DIO2: variants seen among roughly 807,000 people sequenced by gnomAD.
DIO2 encodes the protein iodothyronine deiodinase 2.
In DIO2, 19 loss-of-function variants were observed where a neutral mutation model predicts 21.4. That is an observed-to-expected ratio of 0.89 (90% CI 0.62 to 1.30). The LOEUF (loss-of-function observed/expected upper bound fraction) is 1.30. Ranked by LOEUF, DIO2 falls within the 50% of genes most tolerant of loss-of-function variation. The pLI is 0.00. For missense variants in DIO2, 302 were observed against 338.1 expected, an observed-to-expected ratio of 0.89 and a Z score of 0.84; for synonymous variants, 122 against 132.9, an observed-to-expected ratio of 0.92 and a Z score of 0.57.
intron 2 of DIO2, among the ~76,000 whole-genome samples, chr14:80,221,030 T>C (rs1888454074): frequency 6.6e-6 from 1 of 152,214 alleles, no homozygotes; most frequent in South Asian, 2.1e-4. Flanking sequence ...AAAAACTTTT[T>C]ATCATGGAAA....
At chr14:80,225,669 G>GT (rs200473356) in intron 2 of DIO2, among the ~76,000 whole-genome samples, 602 of 152,082 alleles carry the variant, frequency 4.0e-3, no homozygotes, top group Non-Finnish European at 6.1e-3. Flanking sequence ...CAGGTCGTGG[G>GT]TTTTTTTTCC....
chr14:80,221,370 GT>G (rs2140018604), intron 2 of DIO2, among the ~76,000 whole-genome samples: 1 of 152,270 alleles, frequency 6.6e-6, no homozygotes, highest in Admixed American at 6.5e-5. Context: ...AGAAACCAAT[GT>G]TTTGTCTGAG....
upstream of DIO2, among the ~76,000 whole-genome samples, chr14:80,213,193 G>C (rs938676612): frequency 2.7e-4 from 41 of 152,188 alleles, no homozygotes; most frequent in African/African-American, 8.9e-4. Flanking sequence ...TATTTAGGCA[G>C]ACAATGCTTT....
At chr14:80,208,256 T>C (rs980716358) in intron 1 of DIO2, among the ~76,000 whole-genome samples, 2 of 152,174 alleles carry the variant, frequency 1.3e-5, no homozygotes, top group African/African-American at 4.8e-5. Flanking sequence ...CCAGTGTCTA[T>C]AGACTTTCCT....
intron 2 of DIO2, among the ~76,000 whole-genome samples, chr14:80,224,061 G>A (rs1286360664): frequency 6.6e-6 from 1 of 152,136 alleles, no homozygotes; most frequent in Non-Finnish European, 1.5e-5. Context: ...CTCTCATTGA[G>A]AACTTATTAT....
At chr14:80,225,513 A>C (rs1464353704) in intron 2 of DIO2, among the ~76,000 whole-genome samples, 1 of 152,240 alleles carries the variant, frequency 6.6e-6, no homozygotes, top group Admixed American at 6.5e-5. Context: ...ATATACACGC[A>C]CAAACGTTTT....
chr14:80,225,907 C>T (rs1178398520), intron 2 of DIO2, among the ~76,000 whole-genome samples: 3 of 152,176 alleles, frequency 2.0e-5, no homozygotes, highest in African/African-American at 7.2e-5. Context: ...CCAAAGTGTC[C>T]AGGTGGCAAT....
upstream of DIO2, chr14:80,216,050 C>G (rs1888344884): frequency 6.6e-6 from 1 of 152,274 alleles, no homozygotes; most frequent in Non-Finnish European, 1.5e-5. Flanking sequence ...GCAGCCCTCT[C>G]CGTAGGTTCC....
intron 1 of DIO2, chr14:80,205,816 T>C (rs1887932161): frequency 2.4e-6 from 2 of 822,840 alleles, no homozygotes; most frequent in Admixed American, 4.5e-5. Context: ...AGGATTAGGG[T>C]TAGACTGGGA....
chr14:80,212,012 A>C (rs1160044983), upstream of DIO2: 1 of 138,318 alleles, frequency 7.2e-6, no homozygotes, highest in Admixed American at 7.1e-5. Flanking sequence ...CTTTAAGGGT[A>C]GTTTTTTTTT....
At position 80,224,251 on chromosome 14, in the gene DIO2, G is replaced by A. The variant is rs537137471; in HGVS notation, c.-277-7514C>T. On this transcript the variant is annotated intron_variant, in intron 2 of 4. Coordinates refer to the DIO2 transcript ENST00000553594. ...GAATTACAGAATTCTTATGCTGGAA[G>A]TACCATGAAGCAATCAACTAGTTTG... Among the ~76,000 whole-genome samples, 31 of 152,232 alleles carry A rather than the reference G, an allele frequency of 2.0e-4. No homozygotes were observed. In the South Asian group the frequency reaches 6.4e-3, roughly 32 times the overall value.
At chr14:80,224,867 G>A (rs139532857) in intron 2 of DIO2, among the ~76,000 whole-genome samples, 5,336 of 152,166 alleles carry the variant, frequency 0.035, 220 homozygotes, top group African/African-American at 0.099. Context: ...TATATAAAGG[G>A]GAGTTTATTA....
chr14:80,200,021 T>C lies in DIO2; in HGVS notation c.*2668A>G, dbSNP rs969894385. On this transcript the variant is annotated 3_prime_UTR_variant, in exon 2 of 2. Transcript: ENST00000438257. ...GATAAAGCATTGATTTTCCTCTACC[T>C]CAAAATAATGAGTTCTTGTTAATTT... 1.3e-5 allele frequency: 2 copies of C among 152,560 alleles called. No individual in the cohort carries two copies. Among genetic ancestry groups the C allele is most frequent in the Non-Finnish European group, 2.9e-5 (2 of 68,006 alleles). The allele number at this position is 152,560 out of a possible 1,614,324, so 9.5% of individuals were successfully genotyped here.
At chr14:80,211,132 C>T (rs1425662024) in intron 1 of DIO2, 119 bp downstream of exon 1, 2 of 954,734 alleles carry the variant, frequency 2.1e-6, no homozygotes, top group African/African-American at 1.6e-5. Context: ...GCTCACTTGG[C>T]AACCCCACAA....
At chr14:80,230,073 A>T (rs1566670580) in intron 2 of DIO2, among the ~76,000 whole-genome samples, 1 of 152,286 alleles carries the variant, frequency 6.6e-6, no homozygotes, top group East Asian at 1.9e-4. Flanking sequence ...TGCCTCAGGC[A>T]GCATAGGGTT....
chr14:80,209,283 GT>G (rs1888070451), intron 1 of DIO2, among the ~76,000 whole-genome samples: 1 of 151,248 alleles, frequency 6.6e-6, no homozygotes, highest in Non-Finnish European at 1.5e-5. Flanking sequence ...TGTTTTTCAT[GT>G]TTTTCTTAAT....
At chr14:80,220,148 C>T (rs922923155) in intron 2 of DIO2, among the ~76,000 whole-genome samples, 2 of 152,026 alleles carry the variant, frequency 1.3e-5, no homozygotes, top group African/African-American at 4.8e-5. Context: ...GATCTTGGCT[C>T]ACTGAAAGCT....
At chr14:80,215,766 A>G (rs1441994071), upstream of DIO2, among the ~76,000 whole-genome samples, 3 of 152,232 alleles carry the variant, frequency 2.0e-5, no homozygotes, top group Non-Finnish European at 2.9e-5. Flanking sequence ...TATCAGAGCA[A>G]GGAATCACAA....
At chr14:80,224,759 T>C (rs1046825512) in intron 2 of DIO2, among the ~76,000 whole-genome samples, 1 of 152,210 alleles carries the variant, frequency 6.6e-6, no homozygotes, top group Non-Finnish European at 1.5e-5. Context: ...TGTTCCTGTT[T>C]TGTAAAAACT....
Sources: gnomAD v4.1 joint callset for allele counts (sites outside exome capture counted in the v4.1 genomes callset) on GRCh38, gnomAD v4.1.1 for gene constraint, MANE v1.5 for transcripts, NCBI Gene and HGNC (gene_info 2026-07-23, HGNC 2026-07-21) for gene names.